RNF130: variants seen among roughly 807,000 people sequenced by gnomAD.
RNF130 encodes ring finger protein 130.
In RNF130, 21 loss-of-function variants were observed where a neutral mutation model predicts 44.6. The observed-to-expected ratio is 0.47, with a 90% CI of 0.33 to 0.68. RNF130 has a LOEUF of 0.68. Among genes scored for constraint, RNF130 ranks in the 30% least tolerant of loss-of-function variants. RNF130 has a pLI of 0.02. For synonymous variants in RNF130, 214 were observed against 210.4 expected (o/e 1.02, Z -0.15); for missense variants, 479 against 560.6 (o/e 0.85, Z 1.47).
intron 3 of RNF130, among the ~76,000 whole-genome samples, chr5:179,989,280 G>A (rs891886820): frequency 6.6e-6 from 1 of 152,182 alleles, no homozygotes; most frequent in African/African-American, 2.4e-5. Context: ...ATGACACATG[G>A]GGATTATGGG....
Position 179,955,542 on chromosome 5 carries a change from A to G in RNF130, c.*112T>C, listed in dbSNP as rs1762193306. On this transcript the variant is annotated 3_prime_UTR_variant, in exon 9 of 9. Transcript: ENST00000521389. The stretch of plus-strand genomic sequence containing the variant: ...TTGGCATTAGCAATTTTATGAAAAA[A>G]TAAAATGTACTAAAAATAAATGCTT... 1.6e-5 allele frequency: 14 copies of G among 895,382 alleles called. No homozygotes were observed. In the South Asian group the frequency reaches 2.8e-4, roughly 18 times the overall value. 55.5% of individuals were successfully genotyped at this position (895,382 alleles called of 1,614,324 possible).
intron 1 of RNF130, among the ~76,000 whole-genome samples, chr5:180,044,216 C>T (rs1050809960): frequency 1.3e-5 from 2 of 152,086 alleles, no homozygotes; most frequent in African/African-American, 4.8e-5. Context: ...TTCTTACCTG[C>T]CAACTTTTAT....
intron 2 of RNF130, among the ~76,000 whole-genome samples, chr5:180,035,017 G>A (rs368649898): frequency 1.3e-5 from 2 of 152,084 alleles, no homozygotes; most frequent in African/African-American, 4.8e-5. Context: ...TTTGGGTTTC[G>A]TTGACTTTCT....
chr5:180,071,375 G>C (rs1019046544), intron 1 of RNF130, 81 bp downstream of exon 1: 9 of 1,205,704 alleles, frequency 7.5e-6, no homozygotes, highest in Middle Eastern at 3.1e-4. Context: ...GCCAGGGCCA[G>C]AGCCGGGGCC....
intron 3 of RNF130, among the ~76,000 whole-genome samples, chr5:179,989,324 A>C (rs1233343099): frequency 6.6e-6 from 1 of 152,224 alleles, no homozygotes; most frequent in Non-Finnish European, 1.5e-5. Context: ...GGGTGGCGAC[A>C]CAGCCAAATC....
chr5:180,025,143 AGCCT>A (rs1052169449), intron 2 of RNF130, among the ~76,000 whole-genome samples: 2 of 152,222 alleles, frequency 1.3e-5, no homozygotes. Flanking sequence ...TAACACCTAT[AGCCT>A]AAGGCTGCAT....
intron 6 of RNF130, 53 bp downstream of exon 6, chr5:179,970,357 C>G: frequency 7.7e-7 from 1 of 1,302,974 alleles, no homozygotes. Flanking sequence ...TATTGTATTA[C>G]ACATACATAT....
intron 2 of RNF130, among the ~76,000 whole-genome samples, chr5:180,028,155 C>G (rs1561698488): frequency 6.6e-6 from 1 of 152,190 alleles, no homozygotes; most frequent in African/African-American, 2.4e-5. Context: ...CTAGAATACT[C>G]TTCTCAACTC....
intron 1 of RNF130, among the ~76,000 whole-genome samples, chr5:180,062,367 C>A (rs1765007538): frequency 1.3e-5 from 2 of 152,168 alleles, no homozygotes; most frequent in South Asian, 4.2e-4. Flanking sequence ...GTCCCCCCAG[C>A]CTCTTTTATA....
intron 3 of RNF130, among the ~76,000 whole-genome samples, chr5:179,989,517 T>C (rs183415607): frequency 6.6e-6 from 1 of 152,334 alleles, no homozygotes; most frequent in Non-Finnish European, 1.5e-5. Flanking sequence ...CGTTTTTTAA[T>C]TTTTATTTTT....
intron 8 of RNF130, among the ~76,000 whole-genome samples, chr5:179,958,857 T>A (rs936380925): frequency 6.6e-6 from 1 of 152,086 alleles, no homozygotes; most frequent in African/African-American, 2.4e-5. Context: ...ATTTTCATAT[T>A]TTTAGTAGAG....
At chr5:179,990,839 T>C (rs1283180354) in intron 3 of RNF130, among the ~76,000 whole-genome samples, 2 of 152,232 alleles carry the variant, frequency 1.3e-5, no homozygotes, top group African/African-American at 2.4e-5. Context: ...GTTATAATTG[T>C]AGAGTAAGGA....
At chr5:179,914,904 C>A (rs750650753) in exon 8 of RNF130, 2 of 152,076 alleles carry the variant, frequency 1.3e-5, no homozygotes, top group Non-Finnish European at 2.9e-5. Context: ...TAGTGGCATG[C>A]GTGTGTAGTC....
rs115929694 is a variant in RNF130 at position 180,052,776 on chromosome 5, C to T, written c.248-12129G>A. 3.9e-3 allele frequency among the ~76,000 whole-genome samples: 600 copies of T among 152,138 alleles called. 1 individual carries two copies. The highest frequency in any genetic ancestry group is 8.3e-3 in the South Asian group (40 of 4,814). ...AGGGAAATCATAAAATCAGTCCCTA[C>T]GGAGGATTACAGAAAAAGAAAGACT... On this transcript the variant is annotated intron_variant, in intron 1 of 8. Transcript: ENST00000521389.
At chr5:180,043,641 C>T (rs975600022) in intron 1 of RNF130, among the ~76,000 whole-genome samples, 2 of 152,002 alleles carry the variant, frequency 1.3e-5, no homozygotes, top group East Asian at 1.9e-4. Context: ...GGTGCAACCA[C>T]AGAGCAAAAG....
chr5:180,070,530 G>A (rs1211963459), intron 1 of RNF130, among the ~76,000 whole-genome samples: 1 of 152,078 alleles, frequency 6.6e-6, no homozygotes, highest in Non-Finnish European at 1.5e-5. Flanking sequence ...CCTACTTTAG[G>A]TCATCCTAAC....
intron 7 of RNF130, among the ~76,000 whole-genome samples, chr5:179,947,819 T>C (rs1050359597): frequency 1.3e-5 from 2 of 152,196 alleles, no homozygotes; most frequent in African/African-American, 4.8e-5. Context: ...CTGCATATGG[T>C]ATATATATAC....
chr5:180,066,519 G>C (rs1263689309), intron 1 of RNF130, among the ~76,000 whole-genome samples: 1 of 152,130 alleles, frequency 6.6e-6, no homozygotes, highest in Non-Finnish European at 1.5e-5. Flanking sequence ...GTATAGTCTA[G>C]CAAGTTTGTT....
chr5:180,046,379 C>T (rs1159081233), intron 1 of RNF130, among the ~76,000 whole-genome samples: 3 of 152,020 alleles, frequency 2.0e-5, no homozygotes, highest in African/African-American at 7.2e-5. Context: ...GCTGCTAGCA[C>T]GTTGTCACCT....
Sources: allele counts gnomAD v4.1 joint callset (sites outside exome capture counted in the v4.1 genomes callset), GRCh38; gene constraint gnomAD v4.1.1; transcripts MANE v1.5; gene names NCBI Gene and HGNC (gene_info 2026-07-23, HGNC 2026-07-21).